PRKAG2: variants seen among roughly 807,000 people sequenced by gnomAD.
PRKAG2 encodes protein kinase AMP-activated non-catalytic subunit gamma 2.
In PRKAG2, 26 loss-of-function variants were observed where a neutral mutation model predicts 69.6. The observed-to-expected ratio is 0.37, with a 90% CI of 0.27 to 0.52. PRKAG2 has a LOEUF of 0.52. Ranked by LOEUF, PRKAG2 falls within the 20% of genes least tolerant of loss-of-function variation. The pLI is 0.90. For synonymous variants in PRKAG2, 293 were observed against 285.0 expected, an observed-to-expected ratio of 1.03 and a Z score of -0.28; for missense variants, 557 against 740.0, an observed-to-expected ratio of 0.75 and a Z score of 2.87.
At chr7:151,617,418 G>A (rs1263788011) in intron 5 of PRKAG2, among the ~76,000 whole-genome samples, 1 of 152,084 alleles carries the variant, frequency 6.6e-6, no homozygotes, top group African/African-American at 2.4e-5. Context: ...GATGAAACAA[G>A]GCTGTCTCAG....
Position 151,614,363 on chromosome 7 carries a change from G to A in PRKAG2, c.754+17706C>T, listed in dbSNP as rs981511212. Among the ~76,000 whole-genome samples, 7 of 152,118 alleles carry A rather than the reference G, an allele frequency of 4.6e-5. No homozygotes were observed. The highest frequency in any genetic ancestry group is 1.0e-4 in the Non-Finnish European group (7 of 68,016). The stretch of plus-strand genomic sequence containing the variant: ...GAGGCCATGGGGTCGGTTACGTTGG[G>A]CGCTTGGCATGTGCTCTGTACTACT... On this transcript the variant is annotated intron_variant, in intron 5 of 15. Coordinates refer to ENST00000287878, the MANE Select transcript of PRKAG2 (RefSeq NM_016203.4). This position sits in a 1 kb window ranked among gnomAD's most constrained non-coding sequence, Gnocchi z 4.4.
chr7:151,734,896 C>T (rs762179924), intron 3 of PRKAG2, among the ~76,000 whole-genome samples: 1 of 143,442 alleles, frequency 7.0e-6, no homozygotes, highest in Non-Finnish European at 1.5e-5. Flanking sequence ...GCTCTGTCGC[C>T]CAGGCTGAAG....
intron 1 of PRKAG2, among the ~76,000 whole-genome samples, chr7:151,874,136 G>GA (rs760572556): frequency 7.8e-6 from 1 of 127,454 alleles, no homozygotes; most frequent in Non-Finnish European, 1.7e-5. Flanking sequence ...TGATGTATAT[G>GA]TATATATGTA....
intron 1 of PRKAG2, among the ~76,000 whole-genome samples, chr7:151,806,056 G>A (rs944599428): frequency 7.2e-5 from 11 of 152,242 alleles, no homozygotes; most frequent in Non-Finnish European, 1.6e-4. Context: ...GGGCGTGGTG[G>A]TGGCCGCCTG....
At chr7:151,696,503 C>T (rs1383812166) in intron 3 of PRKAG2, among the ~76,000 whole-genome samples, 3 of 152,056 alleles carry the variant, frequency 2.0e-5, no homozygotes, top group African/African-American at 2.4e-5. Flanking sequence ...GGCCTGCCGG[C>T]GCCTCAGCCC....
At chr7:151,829,222 A>G (rs2078969150) in intron 1 of PRKAG2, among the ~76,000 whole-genome samples, 1 of 152,276 alleles carries the variant, frequency 6.6e-6, no homozygotes, top group Non-Finnish European at 1.5e-5. Context: ...TCTGAAAGTC[A>G]TTTCTCCAAG....
At chr7:151,824,425 G>C (rs1224985922) in intron 1 of PRKAG2, among the ~76,000 whole-genome samples, 11 of 152,162 alleles carry the variant, frequency 7.2e-5, no homozygotes, top group Admixed American at 7.2e-4. Flanking sequence ...ATAGTTGCCG[G>C]AACTCCTAAG....
chr7:151,823,236 G>T (rs2078832619), intron 1 of PRKAG2, among the ~76,000 whole-genome samples: 1 of 123,290 alleles, frequency 8.1e-6, no homozygotes, highest in Admixed American at 8.5e-5. Flanking sequence ...CAGGGATTTT[G>T]TATCAACATT....
intron 3 of PRKAG2, among the ~76,000 whole-genome samples, chr7:151,718,143 CT>C (rs1796457964): frequency 6.6e-6 from 1 of 152,136 alleles, no homozygotes; most frequent in Non-Finnish European, 1.5e-5. Context: ...GATGGGGTGG[CT>C]TACGTAACAG....
At chr7:151,869,014 G>A (rs1041596267) in intron 1 of PRKAG2, among the ~76,000 whole-genome samples, 2 of 152,166 alleles carry the variant, frequency 1.3e-5, no homozygotes, top group African/African-American at 2.4e-5. Flanking sequence ...TCTTTCGCCA[G>A]TCTAGTGTTC....
intron 6 of PRKAG2, among the ~76,000 whole-genome samples, chr7:151,587,007 A>T (rs1282893441): frequency 6.6e-6 from 1 of 152,144 alleles, no homozygotes; most frequent in Non-Finnish European, 1.5e-5. Flanking sequence ...CTAAAAATAC[A>T]AAAGTTAGCT....
chr7:151,696,179 C>G (rs768538945), intron 3 of PRKAG2, among the ~76,000 whole-genome samples: 2 of 152,230 alleles, frequency 1.3e-5, no homozygotes, highest in African/African-American at 2.4e-5. Flanking sequence ...CCTCCTCCTC[C>G]TCCCTTCTCC....
At chr7:151,657,279 G>A (rs1326346330) in intron 4 of PRKAG2, among the ~76,000 whole-genome samples, 2 of 152,186 alleles carry the variant, frequency 1.3e-5, no homozygotes. Context: ...AGAAGACATA[G>A]GTTGGGCTCA....
At chr7:151,848,559 T>C (rs1317119256) in intron 1 of PRKAG2, among the ~76,000 whole-genome samples, 2 of 132,954 alleles carry the variant, frequency 1.5e-5, no homozygotes, top group Non-Finnish European at 1.6e-5. Flanking sequence ...AGCTTCGCTC[T>C]TGTTGCCCAG....
chr7:151,815,313 AG>A (rs1387375726), intron 1 of PRKAG2, among the ~76,000 whole-genome samples: 1 of 152,126 alleles, frequency 6.6e-6, no homozygotes, highest in Admixed American at 6.5e-5. Context: ...CTGATCCTGG[AG>A]GGACTGCCCT....
At chr7:151,799,394 C>T (rs58943536) in intron 1 of PRKAG2, among the ~76,000 whole-genome samples, 23,713 of 152,238 alleles carry the variant, frequency 0.16, 2,203 homozygotes, top group Non-Finnish European at 0.22. Flanking sequence ...AGGATTGCAA[C>T]GGGCTGGCCA....
At chr7:151,634,945 T>G (rs1003354155) in intron 4 of PRKAG2, among the ~76,000 whole-genome samples, 2 of 142,224 alleles carry the variant, frequency 1.4e-5, no homozygotes, top group East Asian at 3.9e-4. Flanking sequence ...CACTGTTTTT[T>G]TTTTTTTTTT....
At chr7:151,846,974 CA>C (rs1394557805) in intron 1 of PRKAG2, among the ~76,000 whole-genome samples, 2 of 152,238 alleles carry the variant, frequency 1.3e-5, no homozygotes, top group Non-Finnish European at 2.9e-5. Flanking sequence ...CTTAAACTGT[CA>C]GCAAGATCAC....
chr7:151,778,203 T>C (rs1169824386), intron 3 of PRKAG2, among the ~76,000 whole-genome samples: 2 of 152,076 alleles, frequency 1.3e-5, no homozygotes, highest in Admixed American at 1.3e-4. Context: ...GCCCATCAAA[T>C]TGTCCATAAA....
Sources: gnomAD v4.1 joint callset for allele counts (sites outside exome capture counted in the v4.1 genomes callset) on GRCh38, gnomAD v4.1.1 for gene constraint, Gnocchi (gnomAD v3.1) non-coding constraint, MANE v1.5 for transcripts, NCBI Gene and HGNC (gene_info 2026-07-23, HGNC 2026-07-21) for gene names.